CELF2: variants seen among roughly 807,000 people sequenced by gnomAD.
The protein encoded by CELF2 is CUGBP Elav-like family member 2.
A neutral mutation model predicts 62.6 loss-of-function variants in CELF2; 8 were observed. The ratio of observed to expected loss-of-function variants is 0.13; its 90% CI spans 0.07 to 0.23. The LOEUF (loss-of-function observed/expected upper bound fraction) is 0.23. Among genes scored for constraint, CELF2 ranks in the 10% least tolerant of loss-of-function variants. The probability of loss-of-function intolerance (pLI) is 1.00; values close to 1 mark genes in which losing one functional copy is unlikely to be tolerated. For missense variants in CELF2, 333 were observed against 671.0 expected, an observed-to-expected ratio of 0.50 and a Z score of 5.56; for synonymous variants, 258 against 250.0, an observed-to-expected ratio of 1.03 and a Z score of -0.30.
the CELF2 span, among the ~76,000 whole-genome samples, chr10:10,536,946 G>A: frequency 1.1e-3 from 168 of 152,308 alleles, no homozygotes; most frequent in Non-Finnish European, 1.9e-3. Context: ...TAGTGTTGCT[G>A]GGGCAAGAGG....
intron 1 of CELF2, among the ~76,000 whole-genome samples, chr10:10,838,650 TC>T (rs1186063509): frequency 6.6e-6 from 1 of 152,246 alleles, no homozygotes; most frequent in Non-Finnish European, 1.5e-5. Context: ...CTTGAATTGT[TC>T]TGTCCTTGGC....
chr10:11,164,972 T>G, intron 1 of CELF2: 1 of 732,514 alleles, frequency 1.4e-6, no homozygotes, highest in Non-Finnish European at 1.7e-6. Context: ...AGTGTTTCAT[T>G]TTCTTTCCAT....
chr10:10,775,057 C>T, the CELF2 span, among the ~76,000 whole-genome samples: 20,778 of 151,644 alleles, frequency 0.14, 1,754 homozygotes, highest in East Asian at 0.31. Context: ...TTTGTATTTT[C>T]AGTAGAGACA....
rs1262245919 is a variant in CELF2 at position 11,177,701 on chromosome 10, A to T, written c.271+12019A>T. 6.6e-6 allele frequency among the ~76,000 whole-genome samples: 1 copy of T among 152,198 alleles called. No homozygotes were observed. The highest frequency in any genetic ancestry group is 1.5e-5 in the Non-Finnish European group (1 of 68,036). Reference sequence around the variant, plus strand: ...GATAGTCAAGGCTTCTCCAGTAGAAAGTTAGGTTTTGTAATAAGGGACCAT... The same window carrying T: ...GATAGTCAAGGCTTCTCCAGTAGAATGTTAGGTTTTGTAATAAGGGACCAT... On this transcript the variant is annotated intron_variant, in intron 2 of 12. Transcript: ENST00000633077. This position sits in a 1 kb window ranked among gnomAD's most constrained non-coding sequence, Gnocchi z 4.8.
rs2056896591 is a variant in CELF2, at chr10:11,117,884, T to C, written c.75-47602T>C. Among the ~76,000 whole-genome samples the C allele has an allele frequency of 1.3e-5, 2 of 152,172 alleles. No homozygotes were observed. On this transcript the variant is annotated intron_variant, in intron 1 of 12. Transcript: ENST00000633077. The surrounding 1 kb of genome is among the most constrained non-coding windows in gnomAD (Gnocchi z 4.1). ...GGCCATGTCACTCCTCACAGCCTTT[T>C]TCTGCGCTATCCTTTTATACATTTT...
In CELF2 at chr10:11,318,640, C is replaced by T. The variant is rs1214737842; in HGVS notation, c.1097-2549C>T. 2 of 391,782 alleles carry T rather than the reference C, an allele frequency of 5.1e-6. No individual in the cohort carries two copies. Among genetic ancestry groups the T allele is most frequent in the Non-Finnish European group, 5.3e-6 (1 of 190,342 alleles). 24.3% of individuals were successfully genotyped at this position (391,782 alleles called of 1,614,324 possible). ...GCCTCACAATACCCTCTGAAACATCCATCCAGTATTTCAAGAGCAGGAGCT... is the reference window on the plus strand; with the variant it reads ...GCCTCACAATACCCTCTGAAACATCTATCCAGTATTTCAAGAGCAGGAGCT... On this transcript the variant is annotated intron_variant, in intron 10 of 12. Transcript: ENST00000633077. The surrounding 1 kb of genome is among the most constrained non-coding windows in gnomAD (Gnocchi z 5.4).
chr10:11,226,600 C>CCACACAAACACACACACACACA (rs1298908039), intron 3 of CELF2, among the ~76,000 whole-genome samples: 48 of 25,960 alleles, frequency 1.8e-3, no homozygotes, highest in Admixed American at 3.1e-3. Context: ...CAGGCAGTGG[C>CCACACAAACACACACACACACA]CACACACACA....
intron 2 of CELF2, among the ~76,000 whole-genome samples, chr10:10,971,336 T>C (rs1044201694): frequency 2.0e-5 from 3 of 152,234 alleles, no homozygotes; most frequent in Non-Finnish European, 4.4e-5. Flanking sequence ...AGTGCCTCTG[T>C]TGAGCACGTA....
At chr10:10,531,161 T>C in the CELF2 span, among the ~76,000 whole-genome samples, 3 of 152,252 alleles carry the variant, frequency 2.0e-5, no homozygotes, top group Admixed American at 6.5e-5. Context: ...TGGCATCCGC[T>C]TGTGGTCACA....
At chr10:10,891,594 A>G (rs2062146177) in intron 1 of CELF2, among the ~76,000 whole-genome samples, 1 of 152,112 alleles carries the variant, frequency 6.6e-6, no homozygotes, top group African/African-American at 2.4e-5. Context: ...AGATGTTGAC[A>G]TGACTCAGAC....
chr10:10,705,645 C>T, the CELF2 span, among the ~76,000 whole-genome samples: 3 of 152,200 alleles, frequency 2.0e-5, no homozygotes, highest in East Asian at 1.9e-4. Flanking sequence ...TTGTATCTTT[C>T]CCCCCAAAAG....
the CELF2 span, among the ~76,000 whole-genome samples, chr10:10,654,456 G>T: frequency 1.8e-5 from 2 of 113,786 alleles, no homozygotes; most frequent in East Asian, 4.2e-4. Flanking sequence ...GAACACTGAT[G>T]CAAAAATCCT....
chr10:10,469,589 A>G, the CELF2 span, among the ~76,000 whole-genome samples: 89,238 of 151,652 alleles, frequency 0.59, 26,358 homozygotes, highest in Admixed American at 0.65. Context: ...TTTTCATGAA[A>G]GATACCAGTT....
chr10:10,873,381 CG>C (rs1296500331), intron 1 of CELF2, among the ~76,000 whole-genome samples: 1 of 152,098 alleles, frequency 6.6e-6, no homozygotes, highest in African/African-American at 2.4e-5. Context: ...TTTTAGCCCT[CG>C]GGGTAACAGT....
chr10:10,586,580 C>T, the CELF2 span, among the ~76,000 whole-genome samples: 4 of 152,122 alleles, frequency 2.6e-5, no homozygotes, highest in African/African-American at 9.7e-5. Context: ...GGAAGCTATG[C>T]CGTGTAGTGG....
chr10:10,691,123 A>T, the CELF2 span, among the ~76,000 whole-genome samples: 3 of 151,976 alleles, frequency 2.0e-5, no homozygotes, highest in Non-Finnish European at 4.4e-5. Context: ...GTCATCTAGC[A>T]TTAGGTATAT....
chr10:11,155,249 A>T (rs1032817154), intron 1 of CELF2, among the ~76,000 whole-genome samples: 1 of 152,224 alleles, frequency 6.6e-6, no homozygotes, highest in Non-Finnish European at 1.5e-5. Flanking sequence ...GCTTGTGATT[A>T]TACAAATGAA....
intron 7 of CELF2, among the ~76,000 whole-genome samples, chr10:11,273,968 A>ACCCCCCCCCCCCCCCCCCCCCCC (rs10612614): frequency 1.0e-5 from 1 of 96,470 alleles, no homozygotes; most frequent in Admixed American, 1.1e-4. Flanking sequence ...AGTGATCCCC[A>ACCCCCCCCCCCCCCCCCCCCCCC]CCCCCCCCCC....
chr10:10,924,143 G>C (rs1039509164), intron 2 of CELF2: 1 of 151,588 alleles, frequency 6.6e-6, no homozygotes, highest in Admixed American at 6.6e-5. Context: ...TTAGCCGGGC[G>C]TGGTGGCGGG....
Sources: allele counts gnomAD v4.1 joint callset (sites outside exome capture counted in the v4.1 genomes callset), GRCh38; gene constraint gnomAD v4.1.1; non-coding constraint Gnocchi (gnomAD v3.1); transcripts MANE v1.5; gene names NCBI Gene and HGNC (gene_info 2026-07-23, HGNC 2026-07-21).